RGS6: variants seen among roughly 807,000 people sequenced by gnomAD.
RGS6 encodes regulator of G-protein signaling 6.
In RGS6, 30 loss-of-function variants were observed where a neutral mutation model predicts 78.5. That is an observed-to-expected ratio of 0.38 (90% confidence interval 0.29 to 0.52). The LOEUF (loss-of-function observed/expected upper bound fraction) is 0.52. RGS6 is among the 20% of genes least tolerant of loss of function. The probability of loss-of-function intolerance (pLI) is 0.85; values close to 1 mark genes in which losing one functional copy is unlikely to be tolerated. For missense variants in RGS6, 495 were observed against 609.7 expected (o/e 0.81, Z 1.98); for synonymous variants, 206 against 206.0 (o/e 1.00, Z 0.00).
chr14:72,043,987 A>T (rs887505107), intron 2 of RGS6, among the ~76,000 whole-genome samples: 1 of 149,786 alleles, frequency 6.7e-6, no homozygotes, highest in African/African-American at 2.5e-5. Context: ...TTCTCTGCCC[A>T]CCTCCCACTC....
intron 2 of RGS6, among the ~76,000 whole-genome samples, chr14:72,224,422 A>G (rs1351220242): frequency 6.1e-5 from 9 of 147,994 alleles, no homozygotes; most frequent in South Asian, 2.2e-4. Context: ...ATCTCAAAAA[A>G]AAGAAGAAGA....
At chr14:72,431,885 T>A (rs1421267041) in intron 3 of RGS6, among the ~76,000 whole-genome samples, 3 of 152,168 alleles carry the variant, frequency 2.0e-5, no homozygotes, top group Admixed American at 6.5e-5. Context: ...CTTTTTTCCC[T>A]TAAGACTTCC....
At chr14:71,873,669 G>T in the RGS6 span, among the ~76,000 whole-genome samples, 1 of 152,082 alleles carries the variant, frequency 6.6e-6, no homozygotes, top group East Asian at 1.9e-4. Context: ...TCTCAATTTG[G>T]CTTTTGTTGC....
intron 2 of RGS6, among the ~76,000 whole-genome samples, chr14:72,218,576 C>T (rs2046131863): frequency 6.6e-6 from 1 of 151,890 alleles, no homozygotes; most frequent in South Asian, 2.1e-4. Context: ...AATACATAAC[C>T]TTGTTTTACA....
At chr14:71,923,827 G>A in the RGS6 span, among the ~76,000 whole-genome samples, 1 of 152,204 alleles carries the variant, frequency 6.6e-6, no homozygotes, top group African/African-American at 2.4e-5. Flanking sequence ...GGGAACTTTT[G>A]TAGGGGGGTG....
At chr14:72,183,980 G>A (rs896956746) in intron 2 of RGS6, among the ~76,000 whole-genome samples, 6 of 152,174 alleles carry the variant, frequency 3.9e-5, no homozygotes, top group African/African-American at 7.2e-5. Flanking sequence ...TTTACCATCA[G>A]TCTCCACATT....
intron 2 of RGS6, among the ~76,000 whole-genome samples, chr14:72,004,149 G>A (rs1272666049): frequency 6.6e-6 from 1 of 152,118 alleles, no homozygotes; most frequent in Non-Finnish European, 1.5e-5. Flanking sequence ...GTCTTGAAGG[G>A]GAGTCAGCAT....
chr14:72,501,600 G>A (rs1305964418), intron 13 of RGS6, among the ~76,000 whole-genome samples: 1 of 152,214 alleles, frequency 6.6e-6, no homozygotes, highest in Non-Finnish European at 1.5e-5. Context: ...TCAGTCAAAA[G>A]TTGCCAGATG....
At chr14:72,176,327 C>T (rs1158011169) in intron 2 of RGS6, among the ~76,000 whole-genome samples, 1 of 152,170 alleles carries the variant, frequency 6.6e-6, no homozygotes, top group Non-Finnish European at 1.5e-5. Flanking sequence ...TCCCTATGTG[C>T]TTTAGGGGGT....
chr14:72,600,582 C>T, the RGS6 span, among the ~76,000 whole-genome samples: 1 of 152,220 alleles, frequency 6.6e-6, no homozygotes, highest in Non-Finnish European at 1.5e-5. Context: ...CACACACACA[C>T]ACACACACAC....
At chr14:72,108,337 C>A (rs945810818) in intron 2 of RGS6, among the ~76,000 whole-genome samples, 6 of 152,056 alleles carry the variant, frequency 3.9e-5, no homozygotes, top group Admixed American at 3.9e-4. Context: ...TCTCTTTTTG[C>A]AAGAAGCCCA....
Position 72,387,515 on chromosome 14 carries a change from C to T in RGS6, c.184+35321C>T, listed in dbSNP as rs374512585. 2.6e-5 allele frequency among the ~76,000 whole-genome samples: 4 copies of T among 151,256 alleles called. No homozygotes were observed. The East Asian group carries it at 5.9e-4, about 22-fold the overall frequency. On this transcript the variant is annotated intron_variant, in intron 3 of 17. Coordinates refer to ENST00000553525, the MANE Select transcript of RGS6 (RefSeq NM_001204424.2). ...AGTGAGCCGAGATCGCACCACTGGA[C>T]TCCAGCCTGGGTGACAGAGCGAGAC...
chr14:72,607,054 T>C, the RGS6 span, among the ~76,000 whole-genome samples: 2 of 152,128 alleles, frequency 1.3e-5, no homozygotes, highest in African/African-American at 4.8e-5. Flanking sequence ...TAACACAAAA[T>C]GGACTAACAC....
At chr14:72,486,365 CA>C (rs1391905576) in intron 12 of RGS6, among the ~76,000 whole-genome samples, 2 of 152,088 alleles carry the variant, frequency 1.3e-5, no homozygotes, top group Non-Finnish European at 2.9e-5. Flanking sequence ...TGTTCCTGGA[CA>C]AATCAACCAT....
chr14:72,423,104 G>A lies in RGS6; in HGVS notation c.185-31424G>A, dbSNP rs533970343. On this transcript the variant is annotated intron_variant, in intron 3 of 17. Transcript: ENST00000553525. ...GTCAGAGAGTTGAGTCACGTGGGAG[G>A]TAGTTTAGAAAAGGATTTGTGAAGA... 2.6e-5 allele frequency among the ~76,000 whole-genome samples: 4 copies of A among 152,340 alleles called. No individual in the cohort carries two copies. The South Asian group carries it at 8.3e-4, about 32-fold the overall frequency.
At chr14:71,978,635 C>A (rs982633374) in intron 2 of RGS6, among the ~76,000 whole-genome samples, 2 of 144,486 alleles carry the variant, frequency 1.4e-5, no homozygotes, top group African/African-American at 5.1e-5. Flanking sequence ...GGTGGATAAG[C>A]TTTTTGATGT....
At chr14:72,062,730 G>A (rs776137857) in intron 2 of RGS6, among the ~76,000 whole-genome samples, 11 of 152,220 alleles carry the variant, frequency 7.2e-5, no homozygotes, top group Non-Finnish European at 1.6e-4. Context: ...TTGCATATGT[G>A]AGCCTGGACT....
At chr14:72,003,332 T>C (rs1316330357) in intron 2 of RGS6, among the ~76,000 whole-genome samples, 1 of 152,222 alleles carries the variant, frequency 6.6e-6, no homozygotes, top group Non-Finnish European at 1.5e-5. Flanking sequence ...GTAAAAATCA[T>C]GGCCCTATGC....
chr14:72,100,674 A>C (rs2095510636), intron 2 of RGS6, among the ~76,000 whole-genome samples: 1 of 152,220 alleles, frequency 6.6e-6, no homozygotes, highest in Admixed American at 6.5e-5. Context: ...CAGCTTACTC[A>C]GTAAATATTT....
Sources: gnomAD v4.1 joint callset for allele counts (sites outside exome capture counted in the v4.1 genomes callset) on GRCh38, gnomAD v4.1.1 for gene constraint, MANE v1.5 for transcripts, NCBI Gene and HGNC (gene_info 2026-07-23, HGNC 2026-07-21) for gene names.